ZSWIM4: variants seen among roughly 807,000 people sequenced by gnomAD.
ZSWIM4 encodes zinc finger SWIM domain-containing protein 4.
In ZSWIM4, 62 loss-of-function variants were observed where a neutral mutation model predicts 102.5. The ratio of observed to expected loss-of-function variants is 0.60; its 90% confidence interval spans 0.49 to 0.75. The LOEUF (loss-of-function observed/expected upper bound fraction) is 0.75. Among genes scored for constraint, ZSWIM4 ranks in the 30% least tolerant of loss-of-function variants. The pLI, the probability that ZSWIM4 is intolerant of heterozygous loss-of-function variation, is 0.00. For synonymous variants in ZSWIM4, 652 were observed against 674.5 expected (o/e 0.97, Z 0.52); for missense variants, 1,280 against 1,529.6 (o/e 0.84, Z 2.72).
chr19:13,820,889 A>G (rs1975444121), intron 10 of ZSWIM4, among the ~76,000 whole-genome samples: 1 of 151,516 alleles, frequency 6.6e-6, no homozygotes, highest in African/African-American at 2.4e-5. Flanking sequence ...TTGGAAGCTG[A>G]TAGACATTTA....
rs1017935656 is a variant in ZSWIM4 at position 13,819,243 on chromosome 19, C to A, written c.1925-114C>A. 3 of 1,430,144 alleles carry A rather than the reference C, an allele frequency of 2.1e-6. No homozygotes were observed. In the South Asian group the frequency reaches 4.2e-5, roughly 20 times the overall value. 88.6% of individuals were successfully genotyped at this position (1,430,144 alleles called of 1,614,324 possible). A position where few individuals can be genotyped will look rare whatever the true frequency, so the allele number is the denominator to read the frequency against. On this transcript the variant is annotated intron_variant, in intron 9 of 13. Transcript: ENST00000590508. ...ACCCCAGAGACCCATCTAGCCACAG[C>A]CACTCTACCCAGGGGCCAGCCCACC...
intron 3 of ZSWIM4, among the ~76,000 whole-genome samples, chr19:13,808,339 GGATA>G (rs1170975506): frequency 6.6e-6 from 1 of 151,964 alleles, no homozygotes; most frequent in African/African-American, 2.4e-5. Context: ...ATGGATGGAT[GGATA>G]AACATGAATA....
chr19:13,795,663 G>T lies in ZSWIM4; in HGVS notation c.15G>T (p.Ala5=), dbSNP rs1410690068. The change falls in exon 1 of 14, where the codon GCG becomes GCT. Residue 5 remains alanine (A), a synonymous_variant. Coordinates refer to ENST00000590508, the MANE Select transcript of ZSWIM4 (RefSeq NM_001367834.3). ...GGCCGGGCCGGATGGAACCCCCCGC[G>T]GCCAAGCGGAGCCGGGGCTGCCCCG... MEPP[A]AKRSRGCPAG... 4.6e-6 allele frequency: 4 copies of T among 865,498 alleles called. No homozygotes were observed. Among genetic ancestry groups the T allele is most frequent in the African/African-American group, 1.8e-5 (1 of 56,068 alleles). The allele number at this position is 865,498 out of a possible 1,614,324, so 53.6% of individuals were successfully genotyped here.
intron 1 of ZSWIM4, among the ~76,000 whole-genome samples, chr19:13,799,065 A>G (rs1177642861): frequency 1.3e-5 from 2 of 151,760 alleles, no homozygotes; most frequent in Non-Finnish European, 2.9e-5. Context: ...CTAGAATTGC[A>G]GGCATGAGCC....
chr19:13,814,737 G>C lies in ZSWIM4; in HGVS notation c.1403G>C (p.Cys468Ser), dbSNP rs1450128176. 5 of 1,288,816 alleles carry C rather than the reference G, an allele frequency of 3.9e-6. No homozygotes were observed. In the African/African-American group the frequency reaches 7.6e-5, roughly 20 times the overall value. 79.8% of individuals were successfully genotyped at this position (1,288,816 alleles called of 1,614,324 possible). The change falls in exon 7 of 14, where the codon TGT (cysteine) becomes TCT (serine). Residue 468 changes from cysteine to serine, a missense_variant. Coordinates refer to ENST00000590508, the MANE Select transcript of ZSWIM4 (RefSeq NM_001367834.3). ...LWLGEPFPTA[C>S]ARVDTLRAHG... ...CTGGGAGAACCTTTCCCCACTGCCT[G>C]TGCCCGTGTGGACACCCTGCGTGCC...
At chr19:13,805,209 G>C (rs1019351739) in intron 3 of ZSWIM4, 61 bp downstream of exon 3, 2 of 1,432,640 alleles carry the variant, frequency 1.4e-6, no homozygotes, top group Middle Eastern at 1.8e-4. Context: ...CACGCCACTT[G>C]CTGTGTGCCC....
chr19:13,818,690 A>C (rs1363158157), intron 9 of ZSWIM4, among the ~76,000 whole-genome samples: 1 of 151,318 alleles, frequency 6.6e-6, no homozygotes, highest in East Asian at 1.9e-4. Flanking sequence ...CAGCCTCCCG[A>C]GTAGCTGGGA....
At position 13,830,711 on chromosome 19, in the gene ZSWIM4, A is replaced by C. The variant is rs765257362; in HGVS notation, c.2982A>C (p.Pro994=). ...TCATTCGCAGCATCCACTGTGCCCC[A>C]ATGCTGTCCGATATTCTGCGCCGCT... ...PLIIRSIHCA[P]MLSDILRRWT... The change falls in exon 14 of 14, where the codon CCA becomes CCC. Residue 994 remains proline (P), a synonymous_variant. Coordinates refer to ENST00000590508, the MANE Select transcript of ZSWIM4 (RefSeq NM_001367834.3). 42 of 1,608,094 alleles carry C rather than the reference A, an allele frequency of 2.6e-5. No individual in the cohort carries two copies. The South Asian group carries it at 3.3e-4, about 13-fold the overall frequency.
rs768666850 is a variant in ZSWIM4 at position 13,823,375 on chromosome 19, C to A, written c.2090C>A (p.Ala697Asp). Reference sequence around the variant, plus strand: ...CCCATACTGGAGACAGCATTTCCTGCTGGAGAACCTCATCCCAGCCCGCTG... The same window carrying A: ...CCCATACTGGAGACAGCATTTCCTGATGGAGAACCTCATCCCAGCCCGCTG... ...RLPILETAFP[A>D]GEPHPSPLDS... is the part of the protein sequence containing the mutation. The change falls in exon 11 of 14, where the codon GCT becomes GAT. Residue 697 changes from alanine to aspartate, a missense_variant. Ala to Asp is a moderately radical substitution (Grantham distance 126, BLOSUM62 -2). Transcript: ENST00000590508. 2 of 1,614,022 alleles carry A rather than the reference C, an allele frequency of 1.2e-6. No individual in the cohort carries two copies. The highest frequency in any genetic ancestry group is 1.1e-5 in the South Asian group (1 of 91,060).
At chr19:13,826,020 T>C (rs1975601677) in intron 12 of ZSWIM4, among the ~76,000 whole-genome samples, 1 of 151,830 alleles carries the variant, frequency 6.6e-6, no homozygotes, top group Admixed American at 6.6e-5. Flanking sequence ...GGGTCTTCAC[T>C]TGGGCCACAC....
intron 9 of ZSWIM4, 35 bp downstream of exon 9, chr19:13,818,011 A>G: frequency 6.8e-7 from 1 of 1,464,278 alleles, no homozygotes; most frequent in Non-Finnish European, 9.0e-7. Context: ...CTGTTGCTGA[A>G]GGGTAGGGTC....
At chr19:13,821,726 T>TC (rs1599610072) in intron 10 of ZSWIM4, among the ~76,000 whole-genome samples, 1 of 151,584 alleles carries the variant, frequency 6.6e-6, no homozygotes, top group South Asian at 2.1e-4. Context: ...GTTTTAAATT[T>TC]TTTTTTTTTT....
intron 9 of ZSWIM4, among the ~76,000 whole-genome samples, chr19:13,818,994 C>T (rs375029337): frequency 6.6e-6 from 1 of 152,054 alleles, no homozygotes; most frequent in Admixed American, 6.6e-5. Flanking sequence ...TCCCGAGTAG[C>T]TGGGACTACT....
intron 2 of ZSWIM4, 91 bp downstream of exon 2, chr19:13,800,012 G>A (rs1194522019): frequency 7.6e-7 from 1 of 1,324,356 alleles, no homozygotes; most frequent in Middle Eastern, 2.6e-4. Flanking sequence ...CTGGGGCCAG[G>A]GGATGGGAGG....
At chr19:13,801,643 T>C (rs999549319) in intron 2 of ZSWIM4, among the ~76,000 whole-genome samples, 1 of 150,414 alleles carries the variant, frequency 6.6e-6, no homozygotes, top group Non-Finnish European at 1.5e-5. Context: ...AGGGCTGAGG[T>C]GGGAATGTAG....
At chr19:13,808,118 A>G (rs1286448131) in intron 3 of ZSWIM4, among the ~76,000 whole-genome samples, 2 of 151,970 alleles carry the variant, frequency 1.3e-5, no homozygotes, top group Non-Finnish European at 2.9e-5. Flanking sequence ...ATGAGACAAC[A>G]CTAAGGGAAT....
Position 13,805,027 on chromosome 19 carries a change from G to C in ZSWIM4, c.591G>C (p.Arg197=), listed in dbSNP as rs753354132. The C allele has an allele frequency of 3.7e-6, 6 of 1,611,876 alleles. No individual in the cohort carries two copies. In the Admixed American group the frequency reaches 1.0e-4, roughly 27 times the overall value. The change falls in exon 3 of 14, where the codon CGG becomes CGC. Residue 197 remains arginine, a synonymous_variant. Coordinates refer to ENST00000590508, the MANE Select transcript of ZSWIM4 (RefSeq NM_001367834.3). Reference sequence around the variant, plus strand: ...CCGAGACGCTCTCCCAGATGAACCGGGACCAGCTGCAGAAGTTCGTGCAGT... The same window carrying C: ...CCGAGACGCTCTCCCAGATGAACCGCGACCAGCTGCAGAAGTTCGTGCAGT... The part of the protein sequence containing the change: ...PISETLSQMN[R]DQLQKFVQYL...
At chr19:13,807,570 AGATG>A (rs56365536) in intron 3 of ZSWIM4, among the ~76,000 whole-genome samples, 6,462 of 141,008 alleles carry the variant, frequency 0.046, 163 homozygotes, top group African/African-American at 0.078. Flanking sequence ...GTTTTGGGCA[AGATG>A]GATGGATGGA....
At chr19:13,803,923 G>A (rs945181476) in intron 2 of ZSWIM4, among the ~76,000 whole-genome samples, 27 of 150,254 alleles carry the variant, frequency 1.8e-4, no homozygotes, top group Admixed American at 6.6e-5. Context: ...GTGCAATGGT[G>A]CGATCTCAGC....
Sources: allele counts gnomAD v4.1 joint callset (sites outside exome capture counted in the v4.1 genomes callset), GRCh38; gene constraint gnomAD v4.1.1; transcripts MANE v1.5; gene names NCBI Gene and HGNC (gene_info 2026-07-23, HGNC 2026-07-21).